TRIM64: variants seen among roughly 807,000 people sequenced by gnomAD.
The protein encoded by TRIM64 is tripartite motif-containing protein 64.
In TRIM64, 3 loss-of-function variants were observed where a neutral mutation model predicts 10.6. The observed-to-expected ratio is 0.28, with a 90% CI of 0.13 to 0.73. The LOEUF (loss-of-function observed/expected upper bound fraction) is 0.73, where lower values mean the gene tolerates loss of function less well. Ranked by LOEUF, TRIM64 falls within the 30% of genes least tolerant of loss-of-function variation. The pLI is 0.71. For missense variants in TRIM64, 29 were observed against 152.0 expected, an observed-to-expected ratio of 0.19 and a Z score of 4.25; for synonymous variants, 8 against 56.0, an observed-to-expected ratio of 0.14 and a Z score of 3.83.
In TRIM64 at chr11:89,971,843, T is replaced by C; in HGVS notation, c.759-354T>C. Among the ~76,000 whole-genome samples, 2 of 53,482 alleles carry C rather than the reference T, an allele frequency of 3.7e-5. 1 individual carries two copies. Among genetic ancestry groups the C allele is most frequent in the Non-Finnish European group, 8.4e-5 (2 of 23,822 alleles). The allele number at this position is 53,482 out of a possible 152,430, so 35.1% of individuals were successfully genotyped here. A position where few individuals can be genotyped will look rare whatever the true frequency, so the allele number is the denominator to read the frequency against. On this transcript the variant is annotated intron_variant, in intron 4 of 5. Transcript: ENST00000533122. ...TCTGTTAGACACTGACTAGCATTAG[T>C]GATAACTGCAGGCTGAGGTCGCAAA... is the stretch of plus-strand genomic sequence containing the variant.
chr11:89,968,392 A>C, upstream of TRIM64: 1 of 130,658 alleles, frequency 7.7e-6, no homozygotes, highest in East Asian at 9.7e-5. Context: ...TGCTGGACAG[A>C]GCTCAAGTAG....
At chr11:89,969,327 C>A (rs1950433573) in intron 1 of TRIM64, 123 bp from the exon 3 acceptor site, 1 of 115,222 alleles carries the variant, frequency 8.7e-6, no homozygotes, top group East Asian at 1.2e-4. Flanking sequence ...TTGGAAAAAT[C>A]TGACCACTTC....
At chr11:89,966,377 T>C (rs1472147061), upstream of TRIM64, among the ~76,000 whole-genome samples, 1 of 93,668 alleles carries the variant, frequency 1.1e-5, no homozygotes, top group Non-Finnish European at 2.7e-5. Context: ...TTTTCTTAAG[T>C]GTGAAAAGAT....
chr11:89,967,606 G>T (rs1248938570), upstream of TRIM64, among the ~76,000 whole-genome samples: 1 of 35,018 alleles, frequency 2.9e-5, no homozygotes. Flanking sequence ...CTAGGTAACT[G>T]GGAATGACTG....
At chr11:89,972,318 C>T in intron 5 of TRIM64, 24 bp downstream of exon 6, 1 of 280,180 alleles carries the variant, frequency 3.6e-6, no homozygotes, top group South Asian at 5.9e-5. Flanking sequence ...GCTTGGCATT[C>T]CAGCCTCAAA....
chr11:89,966,898 CA>C (rs778298970), upstream of TRIM64, among the ~76,000 whole-genome samples: 36 of 12,988 alleles, frequency 2.8e-3, 2 homozygotes, highest in Non-Finnish European at 3.2e-3. Context: ...ACAACAGCAA[CA>C]AAAAAAAAAA....
At chr11:89,968,490 TA>T (rs1299083617), upstream of TRIM64, 3 of 248,174 alleles carry the variant, frequency 1.2e-5, no homozygotes, top group African/African-American at 3.2e-4. Flanking sequence ...TTTTTTTTTT[TA>T]ATTTCCAGAA....
rs1405047090 is a variant in TRIM64, at chr11:89,968,664, C to A, written c.161C>A (p.Ser54Ter). The A allele has an allele frequency of 2.7e-6, 2 of 743,960 alleles. 1 individual carries two copies. Among genetic ancestry groups the A allele is most frequent in the Admixed American group, 7.1e-5 (2 of 28,182 alleles). The allele number at this position is 743,960 out of a possible 1,614,324, so 46.1% of individuals were successfully genotyped here. The change falls in exon 1 of 6, where the codon TCG becomes TAG. Residue 54 changes from serine (S) to a stop codon, truncating the protein, a stop_gained. Coordinates refer to ENST00000533122, the Ensembl canonical transcript of TRIM64. LOFTEE classifies it high-confidence loss of function. ...GGCAGAGCACCAATGCGCTGCCCTT[C>A]GTGCAGAAAAATCTCAGAGAAGCCC...
At chr11:89,967,681 A>G (rs2388214), upstream of TRIM64, among the ~76,000 whole-genome samples, 4 of 35,586 alleles carry the variant, frequency 1.1e-4, 2 homozygotes, top group Admixed American at 5.3e-4. Context: ...TTTGCATCAC[A>G]GTTGTTCGTT....
Position 89,968,651 on chromosome 11 carries a change from A to G in TRIM64, c.148A>G (p.Met50Val). 2 of 740,750 alleles carry G rather than the reference A, an allele frequency of 2.7e-6. 1 individual carries two copies. The allele number at this position is 740,750 out of a possible 1,614,324, so 45.9% of individuals were successfully genotyped here. ...CTGCTCAGAAGAAGGCAGAGCACCAATGCGCTGCCCTTCGTGCAGAAAAAT... is the reference window on the plus strand; with the variant it reads ...CTGCTCAGAAGAAGGCAGAGCACCAGTGCGCTGCCCTTCGTGCAGAAAAAT... The change falls in exon 1 of 6, where the codon ATG becomes GTG. Residue 50 changes from methionine to valine, a missense_variant. By Grantham distance (21) the Met-to-Val change is conservative. Coordinates refer to ENST00000533122, the Ensembl canonical transcript of TRIM64.
chr11:89,966,898 C>CAA (rs778298970), upstream of TRIM64, among the ~76,000 whole-genome samples: 2 of 12,994 alleles, frequency 1.5e-4, no homozygotes, highest in African/African-American at 5.8e-4. Flanking sequence ...ACAACAGCAA[C>CAA]AAAAAAAAAA....
chr11:89,971,573 G>T, intron 4 of TRIM64, among the ~76,000 whole-genome samples: 1 of 46,912 alleles, frequency 2.1e-5, no homozygotes, highest in Non-Finnish European at 4.5e-5. Flanking sequence ...CTAGAGGGGT[G>T]GGAGGTTAAA....
rs1950435135 is a variant in TRIM64 at position 89,970,171 on chromosome 11, C to T, written c.505-73C>T. 2.7e-5 allele frequency: 3 copies of T among 111,684 alleles called. 1 individual carries two copies. The East Asian group carries it at 4.5e-4, about 17-fold the overall frequency. The allele number at this position is 111,684 out of a possible 1,614,324, so 6.9% of individuals were successfully genotyped here. A position where few individuals can be genotyped will look rare whatever the true frequency, so the allele number is the denominator to read the frequency against. On this transcript the variant is annotated intron_variant, in intron 2 of 5. Transcript: ENST00000533122. The stretch of plus-strand genomic sequence containing the variant: ...AAGTTTATAAGTTGCTTGATTACAC[C>T]CAGCATATAATTATTTGAAGTTTTC...
upstream of TRIM64, among the ~76,000 whole-genome samples, chr11:89,967,018 G>A (rs1337634847): frequency 1.2e-4 from 4 of 33,420 alleles, no homozygotes; most frequent in African/African-American, 8.0e-4. Flanking sequence ...AAGGTGAATT[G>A]GCGGCCATGC....
upstream of TRIM64, among the ~76,000 whole-genome samples, chr11:89,967,681 AGTT>A (rs1208551612): frequency 1.5e-3 from 54 of 35,566 alleles, 2 homozygotes; most frequent in Middle Eastern, 0.019. Flanking sequence ...TTTGCATCAC[AGTT>A]GTTCGTTGTT....
intron 1 of TRIM64, 43 bp from the exon 3 acceptor site, chr11:89,969,407 T>G: frequency 4.3e-6 from 1 of 231,220 alleles, no homozygotes. Flanking sequence ...TGAAATCTAC[T>G]ATACTGTCTT....
chr11:89,973,432 A>G lies in TRIM64; in HGVS notation c.893A>G (p.Tyr298Cys). 2 of 334,010 alleles carry G rather than the reference A, an allele frequency of 6.0e-6. 1 individual carries two copies. The highest frequency in any genetic ancestry group is 8.6e-6 in the Non-Finnish European group (2 of 233,090). 20.7% of individuals were successfully genotyped at this position (334,010 alleles called of 1,614,324 possible). A position where few individuals can be genotyped will look rare whatever the true frequency, so the allele number is the denominator to read the frequency against. ...CTGAGCACGGAAATGATTCCTTGCT[A>G]TATAAGCCTTTCTGAGGATGTGAGA... Residue 298 changes from tyrosine (Y) to cysteine (C), a missense_variant, in exon 6 of 6, where the codon TAT (tyrosine) becomes TGT (cysteine). Transcript: ENST00000533122.
chr11:89,967,369 A>G (rs1950427877), upstream of TRIM64, among the ~76,000 whole-genome samples: 1 of 16,948 alleles, frequency 5.9e-5, no homozygotes, highest in Non-Finnish European at 9.7e-5. Flanking sequence ...AAGCTACTTT[A>G]TTTATAATTG....
At chr11:89,967,928 C>G (rs1254718177), upstream of TRIM64, among the ~76,000 whole-genome samples, 2 of 35,534 alleles carry the variant, frequency 5.6e-5, no homozygotes, top group Admixed American at 2.7e-4. Context: ...ACTACAGGCA[C>G]GTGCCACCAC....
Sources: gnomAD v4.1 joint callset for allele counts (sites outside exome capture counted in the v4.1 genomes callset) on GRCh38, gnomAD v4.1.1 for gene constraint, MANE v1.5 for transcripts, NCBI Gene and HGNC (gene_info 2026-07-23, HGNC 2026-07-21) for gene names.